The following BUB1B variants were observed in gnomAD, a reference collection of about 807,000 sequenced individuals.
BUB1B encodes the protein BUB1 mitotic checkpoint serine/threonine kinase B.
In BUB1B, 86 loss-of-function variants were observed where a neutral mutation model predicts 137.7. The ratio of observed to expected loss-of-function variants is 0.62; its 90% CI spans 0.52 to 0.75. BUB1B has a LOEUF of 0.75. Among genes scored for constraint, BUB1B ranks in the 30% least tolerant of loss-of-function variants. The pLI is 0.00. For synonymous variants in BUB1B, 420 were observed against 417.9 expected (o/e 1.00, Z -0.06); for missense variants, 1,130 against 1,236.9 (o/e 0.91, Z 1.30).
At chr15:40,209,613 C>T in intron 16 of BUB1B, 22 bp from the exon 17 acceptor site, 1 of 1,613,520 alleles carries the variant, frequency 6.2e-7, no homozygotes, top group South Asian at 1.1e-5. Context: ...GATATATTTT[C>T]ACCTTTCCCT....
At chr15:40,163,435 T>C (rs144919568) in intron 1 of BUB1B, among the ~76,000 whole-genome samples, 2 of 152,308 alleles carry the variant, frequency 1.3e-5, no homozygotes, top group African/African-American at 4.8e-5. Flanking sequence ...AAAGTGTGTA[T>C]GATAATCATA....
Position 40,220,771 on chromosome 15 carries a change from A to G in BUB1B, c.*12A>G. 6.2e-7 allele frequency: 1 copy of G among 1,611,908 alleles called. No individual in the cohort carries two copies. The highest frequency in any genetic ancestry group is 8.5e-7 in the Non-Finnish European group (1 of 1,177,996). ...TGCTCTTTCAGTGAGCTAGGCAATC[A>G]AGTCTCACAGATTGCTGCCTCAGAG... is the stretch of plus-strand genomic sequence containing the variant. On this transcript the variant is annotated 3_prime_UTR_variant, in exon 23 of 23. Coordinates refer to ENST00000287598, the MANE Select transcript of BUB1B (RefSeq NM_001211.6).
At chr15:40,213,897 G>A (rs2037744499) in intron 20 of BUB1B, among the ~76,000 whole-genome samples, 1 of 152,156 alleles carries the variant, frequency 6.6e-6, no homozygotes, top group South Asian at 2.1e-4. Flanking sequence ...ATTATGTTAA[G>A]AGAGTATTTA....
intron 8 of BUB1B, among the ~76,000 whole-genome samples, chr15:40,194,514 T>C (rs2037475249): frequency 6.6e-6 from 1 of 152,246 alleles, no homozygotes; most frequent in South Asian, 2.1e-4. Context: ...GGGGAAACTT[T>C]TTAAGCATGT....
Position 40,185,252 on chromosome 15 carries a change from A to T in BUB1B, c.839A>T (p.Asp280Val), listed in dbSNP as rs2037344963. The T allele has an allele frequency of 6.2e-7, 1 of 1,614,052 alleles. No individual in the cohort carries two copies. Among genetic ancestry groups the T allele is most frequent in the African/African-American group, 1.3e-5 (1 of 75,036 alleles). The part of the protein sequence containing the change: ...SRITVFDENA[D>V]EASTAELSKP... ...ATTACTGTTTTTGATGAAAATGCTG[A>T]TGAGGCTTCTACAGCAGAGTTGTCT... Residue 280 changes from aspartate (D) to valine (V), a missense_variant, in exon 7 of 23, where the codon GAT (aspartate) becomes GTT (valine). Transcript: ENST00000287598.
At chr15:40,163,724 C>T (rs766671449) in intron 1 of BUB1B, among the ~76,000 whole-genome samples, 21 of 152,112 alleles carry the variant, frequency 1.4e-4, no homozygotes, top group Non-Finnish European at 2.6e-4. Context: ...ATGTTTGTTT[C>T]GAGTCTTTAT....
At position 40,212,506 on chromosome 15, in the gene BUB1B, C is replaced by T. The variant is rs1349572100; in HGVS notation, c.2393C>T (p.Ser798Phe). Residue 798 changes from serine to phenylalanine, a missense_variant, in exon 19 of 23, where the codon TCT becomes TTT. By Grantham distance (155) the Ser-to-Phe change is radical. Transcript: ENST00000287598. ...AAATACAATGTCTTACAGGTATCTT[C>T]TCAACCTGTCCCATGGGACTTTTAT... ...SAELTVIKVSSQPVPWDFYIN... is the reference protein window; with the variant it reads ...SAELTVIKVSFQPVPWDFYIN... 1 of 1,611,596 alleles carries T rather than the reference C, an allele frequency of 6.2e-7. No homozygotes were observed. The highest frequency in any genetic ancestry group is 8.5e-7 in the Non-Finnish European group (1 of 1,178,208).
intron 1 of BUB1B, among the ~76,000 whole-genome samples, chr15:40,161,526 CTGTT>C (rs2037042655): frequency 6.6e-6 from 1 of 152,222 alleles, no homozygotes; most frequent in African/African-American, 2.4e-5. Flanking sequence ...GCAATGTTGT[CTGTT>C]TGTAACTCAG....
chr15:40,203,613 C>A (rs1394699079), intron 14 of BUB1B, among the ~76,000 whole-genome samples: 2 of 152,104 alleles, frequency 1.3e-5, no homozygotes, highest in Non-Finnish European at 2.9e-5. Flanking sequence ...AATTTTTTAA[C>A]CAACATAGCA....
At chr15:40,193,871 G>A (rs1293852047) in intron 8 of BUB1B, among the ~76,000 whole-genome samples, 2 of 150,236 alleles carry the variant, frequency 1.3e-5, no homozygotes, top group Non-Finnish European at 3.0e-5. Flanking sequence ...TCCAGCCTGG[G>A]TGACAAGAGC....
At chr15:40,183,978 A>G (rs1370398064) in intron 6 of BUB1B, 95 bp downstream of exon 6, 2 of 1,335,236 alleles carry the variant, frequency 1.5e-6, no homozygotes, top group Non-Finnish European at 2.1e-6. Flanking sequence ...GGACACTTCT[A>G]GTTTGCTGAA....
chr15:40,185,564 C>G lies in BUB1B; in HGVS notation c.980C>G (p.Thr327Arg). The change falls in exon 8 of 23, where the codon ACA becomes AGA. Residue 327 changes from threonine to arginine, a missense_variant. Transcript: ENST00000287598. ...RSLEHRPRGNTASLIAVPAVL... is the reference protein window; with the variant it reads ...RSLEHRPRGNRASLIAVPAVL... The stretch of plus-strand genomic sequence containing the variant: ...CTTCATCTCCAGCCTCGTGGCAATA[C>G]AGCTTCACTGATAGCTGTACCCGCT... The G allele has an allele frequency of 6.2e-7, 1 of 1,614,198 alleles. No homozygotes were observed. The highest frequency in any genetic ancestry group is 8.5e-7 in the Non-Finnish European group (1 of 1,180,036).
chr15:40,197,646 T>G (rs963296674), intron 9 of BUB1B, among the ~76,000 whole-genome samples: 2 of 152,234 alleles, frequency 1.3e-5, no homozygotes, highest in Non-Finnish European at 2.9e-5. Context: ...GCTGGGAAAC[T>G]TAACCATCAC....
In BUB1B at chr15:40,173,544, G is replaced by A. The variant is rs992246594; in HGVS notation, c.384+2863G>A. Among the ~76,000 whole-genome samples, 7 of 152,206 alleles carry A rather than the reference G, an allele frequency of 4.6e-5. No homozygotes were observed. In the East Asian group the frequency reaches 9.6e-4, roughly 21 times the overall value. Reference sequence around the variant, plus strand: ...ACTGTTTGAGATAAGTTCAAAAATTGAAAGTGAGCTTTTGGAAACTTTGGT... The same window carrying A: ...ACTGTTTGAGATAAGTTCAAAAATTAAAAGTGAGCTTTTGGAAACTTTGGT... On this transcript the variant is annotated intron_variant, in intron 4 of 22. Coordinates refer to ENST00000287598, the MANE Select transcript of BUB1B (RefSeq NM_001211.6).
chr15:40,208,490 A>T, intron 15 of BUB1B, 147 bp from the exon 16 acceptor site: 3 of 740,718 alleles, frequency 4.1e-6, no homozygotes, highest in Non-Finnish European at 6.5e-6. Flanking sequence ...GTGAGCCAAG[A>T]TCATGCAGTT....
chr15:40,209,875 G>C (rs2037688644), intron 17 of BUB1B, 100 bp downstream of exon 17: 2 of 1,489,778 alleles, frequency 1.3e-6, no homozygotes, highest in Non-Finnish European at 1.9e-6. Context: ...AATATTCCTA[G>C]ATTGTATTTT....
intron 2 of BUB1B, among the ~76,000 whole-genome samples, chr15:40,167,723 A>C (rs2037117481): frequency 6.6e-6 from 1 of 151,070 alleles, no homozygotes; most frequent in Non-Finnish European, 1.5e-5. Flanking sequence ...GGAGTAAACA[A>C]GTTTTTTTCC....
At chr15:40,177,059 T>C (rs927770334) in intron 5 of BUB1B, among the ~76,000 whole-genome samples, 3 of 152,204 alleles carry the variant, frequency 2.0e-5, no homozygotes, top group Non-Finnish European at 2.9e-5. Flanking sequence ...TATAGCCTTT[T>C]GAGTTTGGCC....
intron 14 of BUB1B, among the ~76,000 whole-genome samples, chr15:40,204,620 T>C (rs2037614189): frequency 6.6e-6 from 1 of 151,300 alleles, no homozygotes; most frequent in African/African-American, 2.4e-5. Context: ...TAAATACATA[T>C]ATATGTATAT....
Sources: allele counts gnomAD v4.1 joint callset (sites outside exome capture counted in the v4.1 genomes callset), GRCh38; gene constraint gnomAD v4.1.1; transcripts MANE v1.5; gene names NCBI Gene and HGNC (gene_info 2026-07-23, HGNC 2026-07-21).